Variants in NXPE2 observed in about 807,000 individuals in gnomAD.
NXPE2 encodes NXPE family member 2.
NXPE2 carries 34 observed loss-of-function variants against 34.4 expected under a neutral mutation model. The ratio of observed to expected loss-of-function variants is 0.99; its 90% CI spans 0.75 to 1.31. The LOEUF (loss-of-function observed/expected upper bound fraction) is 1.31, where lower values mean the gene tolerates loss of function less well. Ranked by LOEUF, NXPE2 falls within the 40% of genes most tolerant of loss-of-function variation. The pLI, the probability that NXPE2 is intolerant of heterozygous loss-of-function variation, is 0.00. For synonymous variants in NXPE2, 235 were observed against 231.3 expected, an observed-to-expected ratio of 1.02 and a Z score of -0.15; for missense variants, 649 against 672.5, an observed-to-expected ratio of 0.97 and a Z score of 0.39.
the NXPE2 span, among the ~76,000 whole-genome samples, chr11:114,603,823 C>G: frequency 1.3e-5 from 2 of 151,712 alleles, no homozygotes; most frequent in African/African-American, 4.8e-5. Flanking sequence ...TAGGTAACTC[C>G]TATTAACTGG....
the NXPE2 span, among the ~76,000 whole-genome samples, chr11:114,663,128 T>A: frequency 1.3e-5 from 2 of 152,152 alleles, no homozygotes; most frequent in Middle Eastern, 3.2e-3. Context: ...TGAAGAGCCC[T>A]TGGGCCTTAA....
the NXPE2 span, among the ~76,000 whole-genome samples, chr11:114,605,609 C>T: frequency 5.0e-4 from 75 of 150,086 alleles, no homozygotes; most frequent in South Asian, 2.5e-3. Context: ...CACTGTTACC[C>T]GGTGGATAAT....
the NXPE2 span, among the ~76,000 whole-genome samples, chr11:114,622,478 T>C: frequency 2.6e-5 from 4 of 152,236 alleles, no homozygotes; most frequent in African/African-American, 9.6e-5. Context: ...TATTGCCTCA[T>C]GGATAACCAC....
chr11:114,795,095 A>G, the NXPE2 span, among the ~76,000 whole-genome samples: 3 of 152,186 alleles, frequency 2.0e-5, no homozygotes, highest in Non-Finnish European at 4.4e-5. Context: ...TCTGTAATCA[A>G]TGGTAGTTTT....
At chr11:114,559,614 T>C in the NXPE2 span, among the ~76,000 whole-genome samples, 1 of 152,170 alleles carries the variant, frequency 6.6e-6, no homozygotes, top group South Asian at 2.1e-4. Context: ...CTATCAGTTT[T>C]TTTTTTTGTT....
the NXPE2 span, among the ~76,000 whole-genome samples, chr11:114,479,607 G>A: frequency 1.3e-5 from 2 of 152,062 alleles, no homozygotes; most frequent in Non-Finnish European, 2.9e-5. Context: ...GGAAGGAGGA[G>A]TTAATATTTT....
the NXPE2 span, among the ~76,000 whole-genome samples, chr11:114,618,454 A>T: frequency 1.3e-5 from 2 of 151,008 alleles, no homozygotes; most frequent in Admixed American, 6.6e-5. Context: ...GTATTGCCTC[A>T]TGGGTAACCA....
chr11:114,495,854 A>G, the NXPE2 span, among the ~76,000 whole-genome samples: 2 of 152,154 alleles, frequency 1.3e-5, no homozygotes, highest in South Asian at 4.1e-4. Flanking sequence ...CTGGTGCCCT[A>G]TCCTACTGTG....
At chr11:114,629,817 G>A in the NXPE2 span, among the ~76,000 whole-genome samples, 1 of 150,552 alleles carries the variant, frequency 6.6e-6, no homozygotes, top group Non-Finnish European at 1.5e-5. Context: ...AGCAACTTCA[G>A]CAAAGTCTCA....
chr11:114,484,106 A>G, the NXPE2 span, among the ~76,000 whole-genome samples: 1 of 152,058 alleles, frequency 6.6e-6, no homozygotes, highest in Admixed American at 6.5e-5. Context: ...CTGAGCCCCC[A>G]CTGGGCTCCT....
At chr11:114,592,668 T>C in the NXPE2 span, among the ~76,000 whole-genome samples, 1 of 152,008 alleles carries the variant, frequency 6.6e-6, no homozygotes, top group African/African-American at 2.4e-5. Flanking sequence ...TTCATCGAAA[T>C]AGAAAAACAA....
At chr11:114,617,139 TAA>T in the NXPE2 span, among the ~76,000 whole-genome samples, 2 of 151,966 alleles carry the variant, frequency 1.3e-5, no homozygotes, top group Admixed American at 6.6e-5. Context: ...CTGTGGATAA[TAA>T]GTGACGTTTT....
the NXPE2 span, among the ~76,000 whole-genome samples, chr11:114,547,267 GA>G: frequency 6.6e-6 from 1 of 152,176 alleles, no homozygotes; most frequent in African/African-American, 2.4e-5. Flanking sequence ...GTGATGAGTG[GA>G]AGACCACTTA....
the NXPE2 span, among the ~76,000 whole-genome samples, chr11:114,641,930 T>C: frequency 9.2e-5 from 14 of 152,144 alleles, no homozygotes; most frequent in South Asian, 2.9e-3. Flanking sequence ...TGCCAACACA[T>C]TTGCAAAGTT....
chr11:114,601,624 ATAT>A, the NXPE2 span, among the ~76,000 whole-genome samples: 186 of 50,652 alleles, frequency 3.7e-3, 9 homozygotes, highest in South Asian at 4.1e-3. Flanking sequence ...TATATATTAT[ATAT>A]TATTTATAAT....
chr11:114,509,561 T>C, the NXPE2 span, among the ~76,000 whole-genome samples: 126 of 152,174 alleles, frequency 8.3e-4, 1 homozygote, highest in Non-Finnish European at 1.6e-4. Context: ...TAAAATGTGG[T>C]ACATATACAC....
chr11:114,774,297 C>T, the NXPE2 span, among the ~76,000 whole-genome samples: 1 of 152,228 alleles, frequency 6.6e-6, no homozygotes, highest in Non-Finnish European at 1.5e-5. Flanking sequence ...CTGCCCTTGA[C>T]TATTGTTACT....
chr11:114,496,108 C>T, the NXPE2 span, among the ~76,000 whole-genome samples: 1 of 152,150 alleles, frequency 6.6e-6, no homozygotes, highest in Non-Finnish European at 1.5e-5. Flanking sequence ...ATCCCTTTGG[C>T]CTAGATTGCC....
intron 2 of NXPE2, among the ~76,000 whole-genome samples, chr11:114,688,146 T>C (rs188777901): frequency 6.6e-6 from 1 of 151,984 alleles, no homozygotes; most frequent in East Asian, 1.9e-4. Context: ...GTGGTGAGAA[T>C]GTACATCCTT....
Sources: gnomAD v4.1 joint callset for allele counts (sites outside exome capture counted in the v4.1 genomes callset) on GRCh38, gnomAD v4.1.1 for gene constraint, MANE v1.5 for transcripts, NCBI Gene and HGNC (gene_info 2026-07-23, HGNC 2026-07-21) for gene names.